The following CSGALNACT1 variants were observed in gnomAD, a reference collection of about 807,000 sequenced individuals.
The protein encoded by CSGALNACT1 is beta4GalNAcT-1.
CSGALNACT1 carries 52 observed loss-of-function variants against 51.0 expected under a neutral mutation model. The ratio of observed to expected loss-of-function variants is 1.02; its 90% CI spans 0.82 to 1.29. The LOEUF (loss-of-function observed/expected upper bound fraction) is 1.29, where lower values mean the gene tolerates loss of function less well. Among genes scored for constraint, CSGALNACT1 ranks in the 50% most tolerant of loss-of-function variants. The probability of loss-of-function intolerance (pLI) is 0.00; values close to 1 mark genes in which losing one functional copy is unlikely to be tolerated. For synonymous variants in CSGALNACT1, 341 were observed against 254.4 expected, an observed-to-expected ratio of 1.34 and a Z score of -3.24; for missense variants, 935 against 679.2, an observed-to-expected ratio of 1.38 and a Z score of -4.19.
intron 3 of CSGALNACT1, among the ~76,000 whole-genome samples, chr8:19,561,292 T>G (rs1302380151): frequency 6.6e-6 from 1 of 152,222 alleles, no homozygotes; most frequent in Non-Finnish European, 1.5e-5. Flanking sequence ...TTTATGAACA[T>G]TTTTGTACAT....
At chr8:19,475,874 A>T (rs1451053951) in intron 4 of CSGALNACT1, among the ~76,000 whole-genome samples, 1 of 152,232 alleles carries the variant, frequency 6.6e-6, no homozygotes, top group Non-Finnish European at 1.5e-5. Flanking sequence ...CTGAATTTCC[A>T]TTCCATTTGA....
intron 1 of CSGALNACT1, among the ~76,000 whole-genome samples, chr8:19,735,691 G>C (rs1307354752): frequency 6.6e-6 from 1 of 152,140 alleles, no homozygotes; most frequent in Non-Finnish European, 1.5e-5. Flanking sequence ...CAGAAGATCT[G>C]ACCCTTATTT....
intron 1 of CSGALNACT1, among the ~76,000 whole-genome samples, chr8:19,614,726 T>C (rs1005420580): frequency 1.3e-5 from 2 of 152,214 alleles, no homozygotes; most frequent in Non-Finnish European, 2.9e-5. Flanking sequence ...AGAAGTGACA[T>C]AGTTTATGTG....
intron 3 of CSGALNACT1, among the ~76,000 whole-genome samples, chr8:19,556,750 T>C (rs2039540084): frequency 6.6e-6 from 1 of 152,098 alleles, no homozygotes; most frequent in South Asian, 2.1e-4. Context: ...TCCAGAGTCA[T>C]ATTAATGCAC....
chr8:19,539,216 C>T (rs2084492989), intron 3 of CSGALNACT1, among the ~76,000 whole-genome samples: 1 of 152,148 alleles, frequency 6.6e-6, no homozygotes, highest in African/African-American at 2.4e-5. Flanking sequence ...CTAACATCTA[C>T]ACCCTTAGCA....
intron 4 of CSGALNACT1, among the ~76,000 whole-genome samples, chr8:19,476,098 T>C (rs1246058885): frequency 6.6e-6 from 1 of 152,180 alleles, no homozygotes; most frequent in African/African-American, 2.4e-5. Context: ...AGGTTGTACC[T>C]CTCTAAAGAA....
At chr8:19,550,786 C>T (rs1486514942) in intron 3 of CSGALNACT1, among the ~76,000 whole-genome samples, 3 of 152,142 alleles carry the variant, frequency 2.0e-5, no homozygotes, top group Admixed American at 6.5e-5. Context: ...GGAAGATAAG[C>T]CCCATTGTCA....
intron 1 of CSGALNACT1, among the ~76,000 whole-genome samples, chr8:19,619,923 G>C (rs776636267): frequency 1.1e-4 from 17 of 152,260 alleles, no homozygotes; most frequent in Non-Finnish European, 2.2e-4. Context: ...CACTTGAGAC[G>C]CTGGGCAAAT....
intron 1 of CSGALNACT1, among the ~76,000 whole-genome samples, chr8:19,703,653 T>C (rs1306905390): frequency 6.6e-6 from 1 of 152,026 alleles, no homozygotes; most frequent in East Asian, 1.9e-4. Context: ...AACTGGAGAG[T>C]TGGTTACTAC....
chr8:19,586,726 C>T (rs879441727), intron 3 of CSGALNACT1, among the ~76,000 whole-genome samples: 4 of 152,004 alleles, frequency 2.6e-5, no homozygotes, highest in African/African-American at 4.8e-5. Flanking sequence ...GGATATTGTA[C>T]CTAAGAAGGT....
In CSGALNACT1 at chr8:19,516,904, G is replaced by C. The variant is rs144409081; in HGVS notation, c.-296-10774C>G. Among the ~76,000 whole-genome samples, 797 of 152,296 alleles carry C rather than the reference G, an allele frequency of 5.2e-3. 7 individuals are homozygous for C. The highest frequency in any genetic ancestry group is 7.6e-3 in the Non-Finnish European group (518 of 68,030). Reference sequence around the variant, plus strand: ...GGTTCAAGTGCTGCCTTTGCTCCTGGAGTTTCCATTTCCAGCTGGAATCTG... The same window carrying C: ...GGTTCAAGTGCTGCCTTTGCTCCTGCAGTTTCCATTTCCAGCTGGAATCTG... On this transcript the variant is annotated intron_variant, in intron 3 of 9. Transcript: ENST00000454498.
chr8:19,658,892 T>G lies in CSGALNACT1; in HGVS notation c.-544+23581A>C, dbSNP rs745852957. 6.8e-4 allele frequency among the ~76,000 whole-genome samples: 104 copies of G among 152,350 alleles called. 2 individuals are homozygous for G. The highest frequency in any genetic ancestry group is 4.1e-4 in the South Asian group (2 of 4,824). The stretch of plus-strand genomic sequence containing the variant: ...TGTTTATCTTCCAACACTTATCTGG[T>G]AAATCTTTCTAAGTTAAATAGGTCT... On this transcript the variant is annotated intron_variant, in intron 1 of 9. Transcript: ENST00000332246.
At chr8:19,524,938 G>C (rs951286854) in intron 3 of CSGALNACT1, among the ~76,000 whole-genome samples, 2 of 152,148 alleles carry the variant, frequency 1.3e-5, no homozygotes, top group Non-Finnish European at 2.9e-5. Context: ...GAGAGAGACA[G>C]AGACCATCCC....
At chr8:19,692,857 A>G (rs1242834819) in intron 1 of CSGALNACT1, among the ~76,000 whole-genome samples, 2 of 152,184 alleles carry the variant, frequency 1.3e-5, no homozygotes, top group Admixed American at 1.3e-4. Flanking sequence ...AACAGGCTGG[A>G]GAATAAGCAC....
chr8:19,614,717 G>C (rs1298375525), intron 1 of CSGALNACT1, among the ~76,000 whole-genome samples: 1 of 152,180 alleles, frequency 6.6e-6, no homozygotes, highest in East Asian at 1.9e-4. Flanking sequence ...GTTGAAACTA[G>C]AAGTGACATA....
chr8:19,420,548 A>ACATTCC, intron 6 of CSGALNACT1, 30 bp from the exon 6 acceptor site: 1 of 1,606,842 alleles, frequency 6.2e-7, no homozygotes, highest in African/African-American at 1.3e-5. Context: ...ACTGTCACTC[A>ACATTCC]CATTCCCACA....
At chr8:19,589,587 T>C (rs893509490) in intron 3 of CSGALNACT1, among the ~76,000 whole-genome samples, 1 of 152,158 alleles carries the variant, frequency 6.6e-6, no homozygotes, top group African/African-American at 2.4e-5. Flanking sequence ...CACCTTGGCC[T>C]CCAAAAGTGC....
intron 6 of CSGALNACT1, 49 bp downstream of exon 5, chr8:19,439,781 C>T: frequency 7.0e-7 from 1 of 1,419,000 alleles, no homozygotes; most frequent in South Asian, 1.2e-5. Context: ...ATGTGTGCTT[C>T]TGAGCTCAGT....
intron 3 of CSGALNACT1, among the ~76,000 whole-genome samples, chr8:19,584,457 G>A (rs2046222675): frequency 6.6e-6 from 1 of 152,126 alleles, no homozygotes; most frequent in African/African-American, 2.4e-5. Flanking sequence ...TTAGGCTAAT[G>A]GTTAACCTTG....
Sources: gnomAD v4.1 joint callset for allele counts (sites outside exome capture counted in the v4.1 genomes callset) on GRCh38, gnomAD v4.1.1 for gene constraint, MANE v1.5 for transcripts, NCBI Gene and HGNC (gene_info 2026-07-23, HGNC 2026-07-21) for gene names.